PDE1A: variants seen among roughly 807,000 people sequenced by gnomAD.
The protein encoded by PDE1A is dual specificity calcium/calmodulin-dependent 3',5'-cyclic nucleotide phosphodiesterase 1A.
A neutral mutation model predicts 61.7 loss-of-function variants in PDE1A; 35 were observed. That is an observed-to-expected ratio of 0.57 (90% CI 0.43 to 0.75). PDE1A has a LOEUF of 0.75. PDE1A is among the 30% of genes least tolerant of loss of function. PDE1A has a pLI of 0.00. For synonymous variants in PDE1A, 232 were observed against 213.2 expected, an observed-to-expected ratio of 1.09 and a Z score of -0.77; for missense variants, 597 against 630.6, an observed-to-expected ratio of 0.95 and a Z score of 0.57.
chr2:182,571,444 C>G, the PDE1A span, among the ~76,000 whole-genome samples: 2 of 151,992 alleles, frequency 1.3e-5, no homozygotes, highest in South Asian at 4.2e-4. Context: ...TGTTAAGCCT[C>G]TTATTTTCTA....
the PDE1A span, among the ~76,000 whole-genome samples, chr2:182,561,721 T>C: frequency 1.3e-5 from 2 of 152,068 alleles, no homozygotes; most frequent in East Asian, 3.9e-4. Context: ...TTGTATCCTC[T>C]TTTATTTCCT....
chr2:182,661,979 T>C, the PDE1A span, among the ~76,000 whole-genome samples: 1 of 151,952 alleles, frequency 6.6e-6, no homozygotes, highest in South Asian at 2.1e-4. Context: ...ATTTTACTAA[T>C]TCGACCAGCT....
intron 2 of PDE1A, among the ~76,000 whole-genome samples, chr2:182,504,913 C>T (rs1257031533): frequency 1.3e-5 from 2 of 152,176 alleles, no homozygotes; most frequent in Non-Finnish European, 2.9e-5. Flanking sequence ...TCAAGATTAC[C>T]TTGCTTTGTA....
At chr2:182,264,454 A>G in intron 1 of PDE1A, 40 bp from the exon 2 acceptor site, 3 of 1,429,232 alleles carry the variant, frequency 2.1e-6, no homozygotes, top group Non-Finnish European at 3.0e-6. Flanking sequence ...AGAGCAAGGA[A>G]TTTATTGTAA....
chr2:182,277,105 G>A (rs1012759052), intron 1 of PDE1A, among the ~76,000 whole-genome samples: 2 of 152,042 alleles, frequency 1.3e-5, no homozygotes, highest in Non-Finnish European at 2.9e-5. Context: ...TCCTTGCCCT[G>A]TTTCCTCAGA....
the PDE1A span, among the ~76,000 whole-genome samples, chr2:182,616,994 G>C: frequency 2.0e-5 from 3 of 152,116 alleles, no homozygotes; most frequent in African/African-American, 4.8e-5. Flanking sequence ...AAAGTTTTGT[G>C]GTGTGTGACA....
At chr2:182,603,416 A>T in the PDE1A span, among the ~76,000 whole-genome samples, 1 of 152,172 alleles carries the variant, frequency 6.6e-6, no homozygotes, top group Non-Finnish European at 1.5e-5. Flanking sequence ...GCGCCGTCTC[A>T]GTTCACTGTA....
At chr2:182,379,048 A>T (rs1458709900) in intron 1 of PDE1A, among the ~76,000 whole-genome samples, 1 of 152,218 alleles carries the variant, frequency 6.6e-6, no homozygotes, top group Non-Finnish European at 1.5e-5. Flanking sequence ...TTTCATGAAG[A>T]TTATGTTAAG....
intron 2 of PDE1A, among the ~76,000 whole-genome samples, chr2:182,485,763 T>C (rs995435349): frequency 6.6e-6 from 1 of 152,038 alleles, no homozygotes; most frequent in African/African-American, 2.4e-5. Flanking sequence ...TCCTAATAGA[T>C]GCAGAAAAAC....
chr2:182,169,744 C>T (rs769707343), intron 13 of PDE1A, among the ~76,000 whole-genome samples: 3 of 152,018 alleles, frequency 2.0e-5, no homozygotes, highest in Non-Finnish European at 4.4e-5. Flanking sequence ...TTCCTACCAA[C>T]CCAGATCCTT....
intron 13 of PDE1A, among the ~76,000 whole-genome samples, chr2:182,183,456 T>C (rs1258317147): frequency 6.6e-6 from 1 of 152,164 alleles, no homozygotes; most frequent in African/African-American, 2.4e-5. Flanking sequence ...AAAGCCAACT[T>C]TCCTGTTGGA....
At chr2:182,691,056 C>T in the PDE1A span, among the ~76,000 whole-genome samples, 1 of 152,192 alleles carries the variant, frequency 6.6e-6, no homozygotes, top group African/African-American at 2.4e-5. Flanking sequence ...AAGAACATTC[C>T]ATGCTCATGG....
downstream of PDE1A, among the ~76,000 whole-genome samples, chr2:182,163,414 C>T (rs916182192): frequency 2.2e-4 from 34 of 152,166 alleles, no homozygotes; most frequent in African/African-American, 8.0e-4. Context: ...GATTGCTTTT[C>T]CCTTCCACAA....
upstream of PDE1A, among the ~76,000 whole-genome samples, chr2:182,527,610 T>C (rs1344998662): frequency 4.0e-5 from 6 of 151,412 alleles, no homozygotes; most frequent in Non-Finnish European, 8.8e-5. Context: ...AATGTACAGA[T>C]AGACACAGAA....
the PDE1A span, among the ~76,000 whole-genome samples, chr2:182,552,435 C>T: frequency 1.4e-5 from 2 of 142,494 alleles, no homozygotes; most frequent in South Asian, 2.3e-4. Context: ...AAAAGCTACA[C>T]AAAGTTTTTT....
intron 2 of PDE1A, among the ~76,000 whole-genome samples, chr2:182,263,146 A>G (rs1310516808): frequency 6.6e-6 from 1 of 152,008 alleles, no homozygotes; most frequent in Non-Finnish European, 1.5e-5. Context: ...GGGTGTCCTC[A>G]CCTCCATATT....
At chr2:182,156,849 GAAT>G (rs1213663721) in intron 13 of PDE1A, among the ~76,000 whole-genome samples, 2 of 151,968 alleles carry the variant, frequency 1.3e-5, no homozygotes, top group Non-Finnish European at 2.9e-5. Flanking sequence ...GGGACTCCAA[GAAT>G]AATGAGAAGT....
intron 8 of PDE1A, among the ~76,000 whole-genome samples, chr2:182,205,376 G>A (rs919549969): frequency 6.6e-6 from 1 of 151,844 alleles, no homozygotes; most frequent in Non-Finnish European, 1.5e-5. Context: ...AGAGGGATGG[G>A]GGTACATCTT....
the PDE1A span, among the ~76,000 whole-genome samples, chr2:182,712,791 C>T: frequency 1.3e-5 from 2 of 151,984 alleles, no homozygotes; most frequent in Non-Finnish European, 1.5e-5. Context: ...CTCCTGACCT[C>T]GTGATCCGCC....
Sources: gnomAD v4.1 joint callset for allele counts (sites outside exome capture counted in the v4.1 genomes callset) on GRCh38, gnomAD v4.1.1 for gene constraint, MANE v1.5 for transcripts, NCBI Gene and HGNC (gene_info 2026-07-23, HGNC 2026-07-21) for gene names.